The following OSBPL11 variants were observed in gnomAD, a reference collection of about 807,000 sequenced individuals.
The protein encoded by OSBPL11 is oxysterol binding protein like 11.
Under a neutral mutation model 84.4 loss-of-function variants are expected in OSBPL11, and 33 were observed. The observed-to-expected ratio is 0.39, with a 90% confidence interval of 0.30 to 0.52. OSBPL11 has a LOEUF of 0.52. Ranked by LOEUF, OSBPL11 falls within the 20% of genes least tolerant of loss-of-function variation. The pLI is 0.72. For missense variants in OSBPL11, 736 were observed against 901.1 expected, an observed-to-expected ratio of 0.82 and a Z score of 2.35; for synonymous variants, 276 against 310.2, an observed-to-expected ratio of 0.89 and a Z score of 1.16.
chr3:125,577,606 T>C (rs569514979), intron 4 of OSBPL11, among the ~76,000 whole-genome samples: 44 of 152,146 alleles, frequency 2.9e-4, no homozygotes, highest in African/African-American at 8.5e-4. Context: ...GGCAGGTGGA[T>C]TGCCTGAGCT....
At chr3:125,544,599 T>C (rs1239637838) in intron 10 of OSBPL11, among the ~76,000 whole-genome samples, 1 of 152,160 alleles carries the variant, frequency 6.6e-6, no homozygotes, top group Non-Finnish European at 1.5e-5. Flanking sequence ...ATTGAAAGGC[T>C]GTCTTAAAGT....
chr3:125,543,394 A>G (rs1383361492), intron 10 of OSBPL11, among the ~76,000 whole-genome samples: 1 of 151,830 alleles, frequency 6.6e-6, no homozygotes, highest in African/African-American at 2.4e-5. Flanking sequence ...GGCCTCCCAA[A>G]GTACTGAGAT....
At chr3:125,540,322 C>A (rs1935710145) in intron 10 of OSBPL11, among the ~76,000 whole-genome samples, 2 of 84,324 alleles carry the variant, frequency 2.4e-5, no homozygotes, top group East Asian at 3.7e-4. Context: ...GAGGATGGCT[C>A]TGTCTCAAAA....
At chr3:125,585,127 T>A (rs1936486333) in intron 1 of OSBPL11, among the ~76,000 whole-genome samples, 1 of 152,110 alleles carries the variant, frequency 6.6e-6, no homozygotes, top group Non-Finnish European at 1.5e-5. Context: ...CCCACGTGTA[T>A]CTCTTTTTTT....
intron 11 of OSBPL11, among the ~76,000 whole-genome samples, chr3:125,536,531 T>A (rs1245608049): frequency 6.6e-6 from 1 of 152,234 alleles, no homozygotes; most frequent in Non-Finnish European, 1.5e-5. Flanking sequence ...TTCAAGTTCA[T>A]GGTGGCAGAT....
chr3:125,589,179 T>G (rs867342795), intron 1 of OSBPL11, among the ~76,000 whole-genome samples: 14 of 151,908 alleles, frequency 9.2e-5, no homozygotes, highest in Admixed American at 3.3e-4. Flanking sequence ...TGGAACCCCG[T>G]CTCTACCAAA....
chr3:125,538,528 C>G lies in OSBPL11; in HGVS notation c.1947G>C (p.Lys649Asn), dbSNP rs1301393203. 6.2e-7 allele frequency: 1 copy of G among 1,614,048 alleles called. No individual in the cohort carries two copies. The highest frequency in any genetic ancestry group is 1.3e-5 in the African/African-American group (1 of 74,950). Residue 649 changes from lysine (K) to asparagine (N), a missense_variant, in exon 11 of 13, where the codon AAG (lysine) becomes AAC (asparagine). Physicochemically the swap from Lys to Asn is moderately conservative, Grantham distance 94. Transcript: ENST00000296220. The part of the protein sequence containing the change: ...LEFTYSNGET[K>N]YVDLTKLAVT... Reference sequence around the variant, plus strand: ...CTGCCAATTTAGTCAAGTCCACATACTTTGTCTCTCCATTGCTATATGTGA... The same window carrying G: ...CTGCCAATTTAGTCAAGTCCACATAGTTTGTCTCTCCATTGCTATATGTGA...
chr3:125,546,963 C>G (rs182676452), intron 10 of OSBPL11, among the ~76,000 whole-genome samples: 26 of 152,172 alleles, frequency 1.7e-4, no homozygotes, highest in Admixed American at 1.4e-3. Context: ...AAATTTATCA[C>G]TGCAAGTTGC....
At chr3:125,531,319 T>G (rs1935552125) in intron 12 of OSBPL11, among the ~76,000 whole-genome samples, 1 of 146,664 alleles carries the variant, frequency 6.8e-6, no homozygotes. Context: ...GAGACAGAGT[T>G]TCACTCTTGT....
chr3:125,539,333 AT>A (rs1559834977), intron 10 of OSBPL11, among the ~76,000 whole-genome samples: 47 of 121,384 alleles, frequency 3.9e-4, no homozygotes, highest in African/African-American at 1.7e-3. Flanking sequence ...ATATATATAT[AT>A]ATATATATAT....
Position 125,538,546 on chromosome 3 carries a change from A to G in OSBPL11, c.1929T>C (p.Tyr643=), listed in dbSNP as rs778502679. 5 of 1,614,110 alleles carry G rather than the reference A, an allele frequency of 3.1e-6. No homozygotes were observed. In the Admixed American group the frequency reaches 5.0e-5, roughly 16 times the overall value. The part of the protein sequence containing the change: ...GEWNSVLEFT[Y]SNGETKYVDL... ...CCACATACTTTGTCTCTCCATTGCTATATGTGAACTCAAGAACACTATTCC... is the reference window on the plus strand; with the variant it reads ...CCACATACTTTGTCTCTCCATTGCTGTATGTGAACTCAAGAACACTATTCC... The change falls in exon 11 of 13, where the codon TAT becomes TAC. Residue 643 remains tyrosine, a synonymous_variant. Coordinates refer to ENST00000296220, the MANE Select transcript of OSBPL11 (RefSeq NM_022776.5).
At chr3:125,577,902 C>T (rs989870310) in intron 4 of OSBPL11, among the ~76,000 whole-genome samples, 10 of 151,900 alleles carry the variant, frequency 6.6e-5, no homozygotes, top group African/African-American at 2.2e-4. Flanking sequence ...AAAGTGTGGC[C>T]GCTTTGGAAA....
intron 1 of OSBPL11, among the ~76,000 whole-genome samples, chr3:125,584,809 T>C (rs1285076660): frequency 2.0e-5 from 3 of 152,238 alleles, no homozygotes; most frequent in Admixed American, 1.3e-4. Flanking sequence ...GTCACTACTC[T>C]CATATTACTG....
chr3:125,543,305 T>C (rs2107590616), intron 10 of OSBPL11, among the ~76,000 whole-genome samples: 1 of 152,010 alleles, frequency 6.6e-6, no homozygotes, highest in East Asian at 1.9e-4. Flanking sequence ...CTAATGTTTG[T>C]ATTTTTAGTA....
Position 125,552,541 on chromosome 3 carries a change from AG to A in OSBPL11, c.1293del (p.Tyr432ThrfsTer37). ...AEDRMIRFVE[Y>X]YLTSFHEGRK... The stretch of plus-strand genomic sequence containing the variant: ...CGGCCTTCATGAAATGAGGTAAGGT[AG>A]TACTCAACAAAGCGAATCATTCTGT... On this transcript the variant is annotated frameshift_variant, in exon 9 of 13. Transcript: ENST00000296220. LOFTEE classifies it high-confidence loss of function. 1 of 1,614,216 alleles carries A rather than the reference AG, an allele frequency of 6.2e-7. No homozygotes were observed. The highest frequency in any genetic ancestry group is 8.5e-7 in the Non-Finnish European group (1 of 1,180,032).
chr3:125,532,151 C>G, intron 11 of OSBPL11, 137 bp from the exon 12 acceptor site: 1 of 843,024 alleles, frequency 1.2e-6, no homozygotes. Context: ...CTTATGAATT[C>G]CAAGAATAAC....
chr3:125,574,612 A>T (rs1404740898), intron 5 of OSBPL11, among the ~76,000 whole-genome samples: 1 of 152,096 alleles, frequency 6.6e-6, no homozygotes, highest in African/African-American at 2.4e-5. Flanking sequence ...GTTATCAATT[A>T]AAAAAAGACA....
Position 125,560,412 on chromosome 3 carries a change from C to A in OSBPL11, c.1122G>T (p.Leu374Phe). 1 of 1,589,214 alleles carries A rather than the reference C, an allele frequency of 6.3e-7. No homozygotes were observed. Among genetic ancestry groups the A allele is most frequent in the East Asian group, 2.3e-5 (1 of 44,056 alleles). ...AATCCATGCCCAGCTTAAGCTGTGA[C>A]AAGAGATGTAGGATGACACTACGTT... ...EEQRSVILHL[L>F]SQLKLGMDLT... The change falls in exon 8 of 13, where the codon TTG (leucine) becomes TTT (phenylalanine). Residue 374 changes from leucine to phenylalanine, a missense_variant. Physicochemically the swap from Leu to Phe is conservative, Grantham distance 22. Coordinates refer to ENST00000296220, the MANE Select transcript of OSBPL11 (RefSeq NM_022776.5).
intron 9 of OSBPL11, among the ~76,000 whole-genome samples, chr3:125,548,443 T>G (rs1250687931): frequency 6.6e-6 from 1 of 152,116 alleles, no homozygotes; most frequent in East Asian, 1.9e-4. Context: ...TATAAAATAT[T>G]TATGGTGAAG....
Sources: allele counts gnomAD v4.1 joint callset (sites outside exome capture counted in the v4.1 genomes callset), GRCh38; gene constraint gnomAD v4.1.1; transcripts MANE v1.5; gene names NCBI Gene and HGNC (gene_info 2026-07-23, HGNC 2026-07-21).